The following SLC35E4 variants were observed in gnomAD, a reference collection of about 807,000 sequenced individuals.
The protein encoded by SLC35E4 is solute carrier family 35, member E4.
Under a neutral mutation model 19.3 loss-of-function variants are expected in SLC35E4, and 15 were observed. The ratio of observed to expected loss-of-function variants is 0.78; its 90% CI spans 0.52 to 1.20. The LOEUF is 1.20. Ranked by LOEUF, SLC35E4 falls within the 50% of genes most tolerant of loss-of-function variation. The pLI is 0.00. For synonymous variants in SLC35E4, 219 were observed against 219.9 expected (o/e 1.00, Z 0.04); for missense variants, 406 against 472.3 (o/e 0.86, Z 1.30).
chr22:30,637,733 A>T (rs1025107034), intron 1 of SLC35E4, among the ~76,000 whole-genome samples: 3 of 152,174 alleles, frequency 2.0e-5, no homozygotes, highest in African/African-American at 7.2e-5. Flanking sequence ...TATTGTTCCC[A>T]TTTGATAGAT....
At chr22:30,644,464 G>T (rs889180027) in intron 1 of SLC35E4, among the ~76,000 whole-genome samples, 2 of 152,192 alleles carry the variant, frequency 1.3e-5, no homozygotes, top group African/African-American at 4.8e-5. Flanking sequence ...ATTTCAGCCA[G>T]GCGCAATGGC....
intron 1 of SLC35E4, among the ~76,000 whole-genome samples, chr22:30,637,766 G>A (rs1032326418): frequency 8.5e-5 from 13 of 152,180 alleles, no homozygotes; most frequent in Non-Finnish European, 1.8e-4. Context: ...CCTGGGCCAC[G>A]TGGCCAGTGA....
chr22:30,637,176 C>T, intron 1 of SLC35E4, 107 bp downstream of exon 1: 1 of 1,460,168 alleles, frequency 6.8e-7, no homozygotes, highest in Non-Finnish European at 9.1e-7. Context: ...AATGAGGAAA[C>T]TGAGGTTCAT....
Position 30,647,023 on chromosome 22 carries a change from G to A in SLC35E4, c.1045G>A (p.Gly349Ser). 6.3e-7 allele frequency: 1 copy of A among 1,597,948 alleles called. No individual in the cohort carries two copies. The highest frequency in any genetic ancestry group is 8.5e-7 in the Non-Finnish European group (1 of 1,172,112). ...GTGGCGGAGGGACCAGCCCAGCAAG[G>A]GTCTTTGAGACCTGGGGGATCTCAG... is the stretch of plus-strand genomic sequence containing the variant. The part of the protein sequence containing the change: ...GLWRRDQPSK[G>S]L Residue 349 changes from glycine (G) to serine (S), a missense_variant, in exon 2 of 2, where the codon GGT (glycine) becomes AGT (serine). Physicochemically the swap from Gly to Ser is moderately conservative, Grantham distance 56. Transcript: ENST00000343605.
intron 1 of SLC35E4, among the ~76,000 whole-genome samples, chr22:30,642,009 T>C (rs1466822308): frequency 2.6e-5 from 4 of 152,002 alleles, no homozygotes; most frequent in East Asian, 1.9e-4. Context: ...GGGCCTGAGA[T>C]AGGCTTTTTT....
chr22:30,659,326 G>A (rs1413104817), intron 2 of SLC35E4, among the ~76,000 whole-genome samples: 1 of 152,084 alleles, frequency 6.6e-6, no homozygotes, highest in African/African-American at 2.4e-5. Flanking sequence ...AGGAAAGTCT[G>A]GACCCTGAGA....
At chr22:30,637,199 A>G (rs2087966656) in intron 1 of SLC35E4, 130 bp downstream of exon 1, 2 of 1,361,910 alleles carry the variant, frequency 1.5e-6, no homozygotes, top group Admixed American at 2.6e-5. Context: ...CTGTGGAGGA[A>G]GCAGAACTGA....
intron 1 of SLC35E4, among the ~76,000 whole-genome samples, chr22:30,642,557 G>A (rs1195941164): frequency 6.6e-6 from 1 of 151,866 alleles, no homozygotes; most frequent in Non-Finnish European, 1.5e-5. Flanking sequence ...GGCCAGCATG[G>A]TGAATCCCCG....
chr22:30,636,837 G>A lies in SLC35E4; in HGVS notation c.387G>A (p.Arg129=). The A allele has an allele frequency of 5.6e-6, 9 of 1,613,066 alleles. No homozygotes were observed. Among genetic ancestry groups the A allele is most frequent in the Non-Finnish European group, 6.8e-6 (8 of 1,179,626 alleles). The change falls in exon 1 of 2, where the codon AGG becomes AGA. Residue 129 remains arginine (R), a synonymous_variant. Coordinates refer to ENST00000343605, the MANE Select transcript of SLC35E4 (RefSeq NM_001001479.4). The part of the protein sequence containing the change: ...TSMACGNVGL[R]AVPLDLAQLV... The stretch of plus-strand genomic sequence containing the variant: ...TGGCCTGCGGCAACGTGGGCCTAAG[G>A]GCTGTGCCCCTGGACCTGGCACAAC...
At chr22:30,654,618 G>C in intron 2 of SLC35E4, 1 of 462,862 alleles carries the variant, frequency 2.2e-6, no homozygotes, top group Non-Finnish European at 4.3e-6. Flanking sequence ...AGTGGTAGGT[G>C]CCTCGGGAAG....
chr22:30,667,844 A>T (rs1386451260), downstream of SLC35E4: 1 of 152,470 alleles, frequency 6.6e-6, no homozygotes, highest in African/African-American at 2.4e-5. Flanking sequence ...GCCGAGAGAC[A>T]GTCTCACCGC....
At position 30,636,068 on chromosome 22, in the gene SLC35E4, G is replaced by A. The variant is rs143495042; in HGVS notation, c.-383G>A. On this transcript the variant is annotated 5_prime_UTR_variant, in exon 1 of 2. Transcript: ENST00000343605. ...GCAGGAGTTCCCAGGGTCTGGATCT[G>A]CGCGCACCCTAATGACCTGGGGACT... 30 of 177,740 alleles carry A rather than the reference G, an allele frequency of 1.7e-4. No homozygotes were observed. The highest frequency in any genetic ancestry group is 2.6e-4 in the Non-Finnish European group (22 of 84,938). 11.0% of individuals were successfully genotyped at this position (177,740 alleles called of 1,614,324 possible).
intron 1 of SLC35E4, among the ~76,000 whole-genome samples, chr22:30,638,769 G>T (rs146293572): frequency 6.6e-6 from 1 of 151,920 alleles, no homozygotes; most frequent in Non-Finnish European, 1.5e-5. Context: ...CTGAGATCAC[G>T]CTATTGCACT....
chr22:30,647,532 G>C lies in SLC35E4; in HGVS notation c.*501G>C, dbSNP rs962538087. On this transcript the variant is annotated 3_prime_UTR_variant, in exon 2 of 2. Coordinates refer to ENST00000343605, the MANE Select transcript of SLC35E4 (RefSeq NM_001001479.4). ...CCAGGGAGACCTGCGTTCCATCCCT[G>C]CCTGCCTCACCCCTGCCACAGACTC... The C allele has an allele frequency of 1.3e-5, 2 of 156,434 alleles. No homozygotes were observed. Among genetic ancestry groups the C allele is most frequent in the African/African-American group, 2.4e-5 (1 of 41,488 alleles). The allele number at this position is 156,434 out of a possible 1,614,324, so 9.7% of individuals were successfully genotyped here.
chr22:30,660,312 T>A (rs945903346), intron 2 of SLC35E4, among the ~76,000 whole-genome samples: 7 of 22,444 alleles, frequency 3.1e-4, no homozygotes, highest in South Asian at 3.8e-3. Flanking sequence ...GAGAAAAAAA[T>A]TTTTTTTTTG....
chr22:30,654,601 G>C (rs961384675), intron 2 of SLC35E4: 26 of 465,014 alleles, frequency 5.6e-5, no homozygotes, highest in Non-Finnish European at 1.1e-4. Flanking sequence ...AGTGGTGGGG[G>C]CCCAGAAGTG....
At chr22:30,659,788 G>T (rs778609826) in intron 2 of SLC35E4, among the ~76,000 whole-genome samples, 2 of 152,196 alleles carry the variant, frequency 1.3e-5, no homozygotes, top group Non-Finnish European at 2.9e-5. Context: ...AGATGTAACT[G>T]ATTTTATTTT....
intron 1 of SLC35E4, among the ~76,000 whole-genome samples, chr22:30,645,450 C>T (rs929491404): frequency 1.3e-5 from 2 of 151,996 alleles, no homozygotes; most frequent in African/African-American, 4.8e-5. Context: ...CAAAAATTAG[C>T]CAGTTGTGGT....
intron 2 of SLC35E4, among the ~76,000 whole-genome samples, chr22:30,661,203 C>T (rs1359070940): frequency 6.6e-6 from 1 of 152,140 alleles, no homozygotes; most frequent in Non-Finnish European, 1.5e-5. Flanking sequence ...TAGCCACCCC[C>T]CCGCCAAGTG....
Sources: gnomAD v4.1 joint callset for allele counts (sites outside exome capture counted in the v4.1 genomes callset) on GRCh38, gnomAD v4.1.1 for gene constraint, MANE v1.5 for transcripts, NCBI Gene and HGNC (gene_info 2026-07-23, HGNC 2026-07-21) for gene names.